Variants in BRINP3 observed in about 807,000 individuals in gnomAD.
BRINP3 encodes BMP/retinoic acid inducible neural specific 3, also known as BMP/retinoic acid-inducible neural-specific protein 3.
BRINP3 carries 19 observed loss-of-function variants against 71.0 expected under a neutral mutation model. The ratio of observed to expected loss-of-function variants is 0.27; its 90% CI spans 0.19 to 0.39. BRINP3 has a LOEUF of 0.39. BRINP3 is among the 10% of genes least tolerant of loss of function. BRINP3 has a pLI of 1.00. For missense variants in BRINP3, 959 were observed against 940.8 expected (o/e 1.02, Z -0.25); for synonymous variants, 380 against 337.7 (o/e 1.13, Z -1.37).
intron 6 of BRINP3, among the ~76,000 whole-genome samples, chr1:190,196,999 A>G (rs537797630): frequency 2.4e-4 from 36 of 151,708 alleles, no homozygotes; most frequent in African/African-American, 8.4e-4. Flanking sequence ...CATGCCACTA[A>G]TAAAGTCATA....
intron 7 of BRINP3, among the ~76,000 whole-genome samples, chr1:190,130,316 G>T (rs1439341099): frequency 1.3e-5 from 2 of 151,802 alleles, no homozygotes; most frequent in Non-Finnish European, 2.9e-5. Context: ...GCTGTTTTTT[G>T]TTTGCTGCTT....
chr1:190,431,690 G>T (rs531603821), intron 2 of BRINP3, among the ~76,000 whole-genome samples: 1 of 151,976 alleles, frequency 6.6e-6, no homozygotes, highest in African/African-American at 2.4e-5. Flanking sequence ...TTATTAAACT[G>T]AAAAATGTGA....
chr1:190,343,064 A>G (rs1390122913), intron 2 of BRINP3, among the ~76,000 whole-genome samples: 1 of 151,828 alleles, frequency 6.6e-6, no homozygotes, highest in East Asian at 1.9e-4. Flanking sequence ...TAGGAAAAAT[A>G]TCTACCATCA....
intron 2 of BRINP3, among the ~76,000 whole-genome samples, chr1:190,303,560 T>G (rs1162998837): frequency 2.0e-5 from 3 of 151,810 alleles, no homozygotes; most frequent in Admixed American, 6.6e-5. Context: ...TGTTCCATTT[T>G]TAATAAAATT....
intron 2 of BRINP3, among the ~76,000 whole-genome samples, chr1:190,301,693 T>C (rs566694117): frequency 6.6e-6 from 1 of 152,050 alleles, no homozygotes; most frequent in Non-Finnish European, 1.5e-5. Context: ...ACTATTTCTG[T>C]GTAATTACAT....
At chr1:190,296,720 C>T (rs1298937205) in intron 2 of BRINP3, among the ~76,000 whole-genome samples, 1 of 152,032 alleles carries the variant, frequency 6.6e-6, no homozygotes, top group Non-Finnish European at 1.5e-5. Flanking sequence ...AGGATACAAA[C>T]TCAACATACA....
chr1:190,205,783 ACT>A (rs1469920343), intron 6 of BRINP3, among the ~76,000 whole-genome samples: 2 of 151,920 alleles, frequency 1.3e-5, no homozygotes, highest in Admixed American at 1.3e-4. Flanking sequence ...TCTCCCTTTA[ACT>A]CTCAAACATT....
intron 6 of BRINP3, among the ~76,000 whole-genome samples, chr1:190,173,076 T>A (rs1652167357): frequency 6.6e-6 from 1 of 152,178 alleles, no homozygotes; most frequent in Non-Finnish European, 1.5e-5. Context: ...CCATTTAAAA[T>A]CCCTTGTTTC....
At chr1:190,217,358 A>T (rs1656502334) in intron 6 of BRINP3, among the ~76,000 whole-genome samples, 1 of 151,890 alleles carries the variant, frequency 6.6e-6, no homozygotes, top group Non-Finnish European at 1.5e-5. Context: ...CAAAAAAAAA[A>T]TGTTTCTCTT....
intron 6 of BRINP3, among the ~76,000 whole-genome samples, chr1:190,210,166 T>A (rs1161480357): frequency 6.6e-6 from 1 of 152,110 alleles, no homozygotes; most frequent in Non-Finnish European, 1.5e-5. Context: ...TTGTGTTTGA[T>A]GTGAATAAGT....
chr1:190,349,399 G>A (rs1444275655), intron 2 of BRINP3, among the ~76,000 whole-genome samples: 3 of 152,080 alleles, frequency 2.0e-5, no homozygotes, highest in Non-Finnish European at 4.4e-5. Flanking sequence ...AATTTAAAAT[G>A]TTAATTTTTT....
intron 6 of BRINP3, among the ~76,000 whole-genome samples, chr1:190,163,191 A>G (rs941590045): frequency 6.6e-6 from 1 of 152,122 alleles, no homozygotes; most frequent in Non-Finnish European, 1.5e-5. Context: ...AACAATTTAC[A>G]TAACTACAGA....
At chr1:190,444,720 G>C (rs912256256) in intron 2 of BRINP3, among the ~76,000 whole-genome samples, 2 of 151,990 alleles carry the variant, frequency 1.3e-5, no homozygotes, top group Admixed American at 1.3e-4. Flanking sequence ...ATTTGTAGCA[G>C]AGACGGGGTT....
At chr1:190,308,496 G>C (rs903947462) in intron 2 of BRINP3, among the ~76,000 whole-genome samples, 1 of 151,300 alleles carries the variant, frequency 6.6e-6, no homozygotes, top group African/African-American at 2.4e-5. Flanking sequence ...CTGTTGTAGG[G>C]TGGGGGAAGG....
At chr1:190,301,993 A>G (rs1042313799) in intron 2 of BRINP3, among the ~76,000 whole-genome samples, 1 of 151,628 alleles carries the variant, frequency 6.6e-6, no homozygotes. Flanking sequence ...ATTTTTTAAC[A>G]TACTTTATTT....
At chr1:190,428,678 C>G (rs1400873642) in intron 2 of BRINP3, among the ~76,000 whole-genome samples, 3 of 151,958 alleles carry the variant, frequency 2.0e-5, no homozygotes, top group South Asian at 2.1e-4. Context: ...GTTTCCAACA[C>G]AAAGCAATCA....
chr1:190,408,156 G>GGACT (rs1314876092), intron 2 of BRINP3, among the ~76,000 whole-genome samples: 1 of 150,372 alleles, frequency 6.7e-6, no homozygotes, highest in Non-Finnish European at 1.5e-5. Flanking sequence ...GGAGTAGCTG[G>GGACT]GACTACAGGC....
At chr1:190,156,637 A>G (rs1008860993) in intron 7 of BRINP3, among the ~76,000 whole-genome samples, 2 of 152,054 alleles carry the variant, frequency 1.3e-5, no homozygotes, top group African/African-American at 4.8e-5. Flanking sequence ...ATCAAACTTC[A>G]ATAAACAAAT....
At chr1:190,111,204 A>AG in intron 7 of BRINP3, among the ~76,000 whole-genome samples, 1 of 150,924 alleles carries the variant, frequency 6.6e-6, no homozygotes, top group Non-Finnish European at 1.5e-5. Context: ...AAAAAAAAAA[A>AG]AAAACTTTAG....
Sources: gnomAD v4.1 joint callset for allele counts (sites outside exome capture counted in the v4.1 genomes callset) on GRCh38, gnomAD v4.1.1 for gene constraint, MANE v1.5 for transcripts, NCBI Gene and HGNC (gene_info 2026-07-23, HGNC 2026-07-21) for gene names.